The following CLVS1 variants were observed in gnomAD, a reference collection of about 807,000 sequenced individuals.
The protein encoded by CLVS1 is clavesin-1.
CLVS1 carries 10 observed loss-of-function variants against 33.1 expected under a neutral mutation model. That is an observed-to-expected ratio of 0.30 (90% CI 0.19 to 0.51). The LOEUF is 0.51. Among genes scored for constraint, CLVS1 ranks in the 20% least tolerant of loss-of-function variants. The pLI is 0.97. For synonymous variants in CLVS1, 163 were observed against 166.1 expected (o/e 0.98, Z 0.14); for missense variants, 343 against 433.4 (o/e 0.79, Z 1.85).
intron 2 of CLVS1, among the ~76,000 whole-genome samples, chr8:61,373,402 A>G (rs1813517530): frequency 6.6e-6 from 1 of 152,220 alleles, no homozygotes; most frequent in Non-Finnish European, 1.5e-5. Context: ...CATCCCAGGA[A>G]CATAACATTT....
chr8:61,108,653 C>T (rs1240883281), intron 1 of CLVS1, among the ~76,000 whole-genome samples: 1 of 152,202 alleles, frequency 6.6e-6, no homozygotes, highest in Non-Finnish European at 1.5e-5. Context: ...AATATGAATA[C>T]TAATCCAAGG....
chr8:61,384,427 A>G (rs1814003703), intron 3 of CLVS1, among the ~76,000 whole-genome samples: 1 of 152,226 alleles, frequency 6.6e-6, no homozygotes, highest in African/African-American at 2.4e-5. Context: ...AATGATAAGC[A>G]TCTGAACTAG....
intron 1 of CLVS1, among the ~76,000 whole-genome samples, chr8:61,291,463 G>T (rs1422377461): frequency 6.6e-6 from 1 of 152,084 alleles, no homozygotes; most frequent in Non-Finnish European, 1.5e-5. Context: ...CCATATATTT[G>T]TGTGTCATTT....
chr8:61,033,842 A>G, the CLVS1 span, among the ~76,000 whole-genome samples: 1 of 152,240 alleles, frequency 6.6e-6, no homozygotes, highest in Admixed American at 6.5e-5. Context: ...CTTAGAACAT[A>G]TGACATTTAT....
chr8:61,387,200 C>A (rs1814118324), intron 3 of CLVS1, among the ~76,000 whole-genome samples: 1 of 152,054 alleles, frequency 6.6e-6, no homozygotes, highest in Admixed American at 6.6e-5. Context: ...CCAGCCTGGC[C>A]AACATGGTGA....
At chr8:61,219,173 TTTCTTTATTTC>T (rs1808156996) in intron 2 of CLVS1, among the ~76,000 whole-genome samples, 1 of 149,386 alleles carries the variant, frequency 6.7e-6, no homozygotes, top group South Asian at 2.1e-4. Context: ...TTCTTTTTTC[TTTCTTTATTTC>T]TTCTTTTAGA....
intron 3 of CLVS1, among the ~76,000 whole-genome samples, chr8:61,381,886 G>C (rs1813893885): frequency 6.6e-6 from 1 of 152,104 alleles, no homozygotes; most frequent in African/African-American, 2.4e-5. Context: ...TTGTGATAGG[G>C]CTGTGATGAA....
At chr8:61,231,286 G>GCACACACACACACACACA (rs4033613) in intron 2 of CLVS1, among the ~76,000 whole-genome samples, 79 of 150,074 alleles carry the variant, frequency 5.3e-4, no homozygotes, top group African/African-American at 1.7e-3. Context: ...ACCTGTGCTT[G>GCACACACACACACACACA]CACACACACA....
At chr8:61,041,966 CT>C in the CLVS1 span, among the ~76,000 whole-genome samples, 9 of 152,068 alleles carry the variant, frequency 5.9e-5, no homozygotes, top group African/African-American at 1.9e-4. Flanking sequence ...TTTGAACCCC[CT>C]GTCATTGAAT....
chr8:61,008,718 G>A, the CLVS1 span, among the ~76,000 whole-genome samples: 1 of 152,166 alleles, frequency 6.6e-6, no homozygotes, highest in Admixed American at 6.5e-5. Flanking sequence ...TCAGGTCCTT[G>A]TAACTGATAT....
intron 5 of CLVS1, among the ~76,000 whole-genome samples, chr8:61,475,772 T>C (rs1817903099): frequency 6.6e-6 from 1 of 151,418 alleles, no homozygotes; most frequent in South Asian, 2.1e-4. Flanking sequence ...TGGTAGTTTC[T>C]TTTGCTGTGC....
At chr8:61,358,456 C>G (rs899025637) in intron 2 of CLVS1, among the ~76,000 whole-genome samples, 14 of 152,224 alleles carry the variant, frequency 9.2e-5, no homozygotes. Flanking sequence ...TATTCTATCT[C>G]TCTGAACTGC....
intron 2 of CLVS1, among the ~76,000 whole-genome samples, chr8:61,166,260 T>C (rs1806864045): frequency 6.6e-6 from 1 of 152,064 alleles, no homozygotes; most frequent in Admixed American, 6.6e-5. Flanking sequence ...CCCAAGTACC[T>C]GGGATTACAG....
the CLVS1 span, among the ~76,000 whole-genome samples, chr8:61,033,044 A>G: frequency 3.1e-3 from 340 of 108,478 alleles, 5 homozygotes; most frequent in African/African-American, 6.9e-3. Flanking sequence ...AAAGAAAGAA[A>G]GAAAAAGAAA....
intron 2 of CLVS1, among the ~76,000 whole-genome samples, chr8:61,248,910 T>A (rs905446589): frequency 6.6e-6 from 1 of 152,122 alleles, no homozygotes; most frequent in Non-Finnish European, 1.5e-5. Context: ...ATGAGCTATA[T>A]GAAATGCACT....
rs1188366643 is a variant in CLVS1, at chr8:61,246,167, C to CTT, written c.-151-53482_-151-53481dup. Reference sequence around the variant, plus strand: ...AAACCCTTTTTCTCTTCCTTCCCAACTTTTTTTTTTTTTTTTTTTTTTTTT... The same window carrying CTT: ...AAACCCTTTTTCTCTTCCTTCCCAACTTTTTTTTTTTTTTTTTTTTTTTTTTT... On this transcript the variant is annotated intron_variant, in intron 2 of 2. Transcript: ENST00000522621. 7.9e-3 allele frequency among the ~76,000 whole-genome samples: 651 copies of CTT among 82,200 alleles called. 121 individuals are homozygous for CTT. The highest frequency in any genetic ancestry group is 0.066 in the East Asian group (178 of 2,684). The allele number at this position is 82,200 out of a possible 152,430, so 53.9% of individuals were successfully genotyped here.
At chr8:61,236,634 C>T (rs1460988347) in intron 2 of CLVS1, among the ~76,000 whole-genome samples, 1 of 152,196 alleles carries the variant, frequency 6.6e-6, no homozygotes, top group Non-Finnish European at 1.5e-5. Context: ...GCCCATCTCT[C>T]CTCCCCATGC....
At chr8:61,427,161 T>G (rs1362961619) in intron 3 of CLVS1, among the ~76,000 whole-genome samples, 2 of 152,198 alleles carry the variant, frequency 1.3e-5, no homozygotes, top group East Asian at 1.9e-4. Context: ...TTAAAGGAGA[T>G]GTAACTCACT....
intron 5 of CLVS1, among the ~76,000 whole-genome samples, chr8:61,497,430 C>A (rs894499808): frequency 4.7e-5 from 5 of 106,016 alleles, no homozygotes; most frequent in African/African-American, 1.9e-4. Flanking sequence ...GCCCTGGTGT[C>A]CAGGTTTTTA....
Sources: allele counts gnomAD v4.1 joint callset (sites outside exome capture counted in the v4.1 genomes callset), GRCh38; gene constraint gnomAD v4.1.1; transcripts MANE v1.5; gene names NCBI Gene and HGNC (gene_info 2026-07-23, HGNC 2026-07-21).